Variants in GPC5 observed in about 807,000 individuals in gnomAD.
GPC5 encodes glypican 5.
Under a neutral mutation model 53.9 loss-of-function variants are expected in GPC5, and 47 were observed. The observed-to-expected ratio is 0.87, with a 90% CI of 0.69 to 1.11. The LOEUF (loss-of-function observed/expected upper bound fraction) is 1.11. Among genes scored for constraint, GPC5 ranks in the 50% most tolerant of loss-of-function variants. GPC5 has a pLI of 0.00. For synonymous variants in GPC5, 286 were observed against 263.3 expected, an observed-to-expected ratio of 1.09 and a Z score of -0.84; for missense variants, 748 against 713.1, an observed-to-expected ratio of 1.05 and a Z score of -0.56.
intron 7 of GPC5, among the ~76,000 whole-genome samples, chr13:92,217,911 C>CTTT (rs61595116): frequency 0.013 from 1,119 of 85,188 alleles, 82 homozygotes; most frequent in African/African-American, 0.052. Context: ...ATTATTTCTA[C>CTTT]TTTTTTTTTT....
At chr13:92,343,153 G>T (rs1268197725) in intron 7 of GPC5, among the ~76,000 whole-genome samples, 2 of 152,094 alleles carry the variant, frequency 1.3e-5, no homozygotes, top group Admixed American at 1.3e-4. Flanking sequence ...GATAGGTCTG[G>T]TAGTGTCCTC....
At chr13:91,520,734 G>A (rs909250396) in intron 2 of GPC5, among the ~76,000 whole-genome samples, 7 of 150,926 alleles carry the variant, frequency 4.6e-5, no homozygotes, top group African/African-American at 1.7e-4. Flanking sequence ...GTGTGTGTGT[G>A]TATATATATA....
chr13:92,370,251 G>A (rs536348179), intron 7 of GPC5, among the ~76,000 whole-genome samples: 3 of 152,276 alleles, frequency 2.0e-5, no homozygotes, highest in African/African-American at 7.2e-5. Flanking sequence ...TTGGTTCTTA[G>A]GTGCATGAGT....
At chr13:92,102,744 T>C (rs1038239527) in intron 6 of GPC5, among the ~76,000 whole-genome samples, 9 of 152,188 alleles carry the variant, frequency 5.9e-5, no homozygotes, top group African/African-American at 1.9e-4. Context: ...ATGTAGATGT[T>C]AGTGTAGGGT....
intron 2 of GPC5, among the ~76,000 whole-genome samples, chr13:91,617,449 C>G (rs927698396): frequency 6.6e-6 from 1 of 151,974 alleles, no homozygotes; most frequent in Non-Finnish European, 1.5e-5. Flanking sequence ...GGTTAAGCAA[C>G]GGAAGGACAT....
At chr13:92,460,445 CA>C (rs1162370920) in intron 7 of GPC5, among the ~76,000 whole-genome samples, 1 of 151,762 alleles carries the variant, frequency 6.6e-6, no homozygotes, top group Non-Finnish European at 1.5e-5. Context: ...TTTCTTTCTG[CA>C]AGGAAAAGTT....
At position 92,533,510 on chromosome 13, in the gene GPC5, A is replaced by C. The variant is rs151005380; in HGVS notation, c.1562-332772A>C. 8.7e-4 allele frequency among the ~76,000 whole-genome samples: 132 copies of C among 152,308 alleles called. 1 individual carries two copies. Among genetic ancestry groups the C allele is most frequent in the African/African-American group, 3.0e-3 (124 of 41,580 alleles). ...AACATATTATGCTGAAACCCGTATA[A>C]TATAGCTTTGGATATTAAATATAAG... On this transcript the variant is annotated intron_variant, in intron 7 of 7. Transcript: ENST00000377067.
chr13:91,779,819 C>A (rs1186293983), intron 5 of GPC5, among the ~76,000 whole-genome samples: 1 of 152,208 alleles, frequency 6.6e-6, no homozygotes, highest in East Asian at 1.9e-4. Context: ...ACTCTGTCAT[C>A]TCCTATGATA....
intron 7 of GPC5, among the ~76,000 whole-genome samples, chr13:92,777,703 C>A (rs958508534): frequency 1.3e-5 from 2 of 152,230 alleles, no homozygotes; most frequent in African/African-American, 4.8e-5. Flanking sequence ...AATGTCCCAT[C>A]CCTTTTCTAT....
At chr13:92,361,067 G>A (rs993077182) in intron 7 of GPC5, among the ~76,000 whole-genome samples, 8 of 151,712 alleles carry the variant, frequency 5.3e-5, no homozygotes, top group African/African-American at 1.9e-4. Context: ...GTAGCAGATG[G>A]CTGCCATATG....
intron 7 of GPC5, among the ~76,000 whole-genome samples, chr13:92,185,095 CT>C (rs2139040511): frequency 6.6e-6 from 1 of 152,244 alleles, no homozygotes; most frequent in South Asian, 2.1e-4. Flanking sequence ...GTTAGATGCA[CT>C]GAGTCCCATT....
chr13:92,083,888 A>G (rs889746110), intron 6 of GPC5, among the ~76,000 whole-genome samples: 4 of 152,198 alleles, frequency 2.6e-5, no homozygotes, highest in Non-Finnish European at 5.9e-5. Context: ...ACCATCAATG[A>G]TAGACTGGAT....
At chr13:92,521,823 C>T (rs990985172) in intron 7 of GPC5, among the ~76,000 whole-genome samples, 4 of 152,154 alleles carry the variant, frequency 2.6e-5, no homozygotes, top group Admixed American at 2.6e-4. Flanking sequence ...AAGAAACTAC[C>T]ATCAGAGTGA....
intron 7 of GPC5, among the ~76,000 whole-genome samples, chr13:92,199,573 G>A (rs1040368518): frequency 3.9e-5 from 6 of 152,116 alleles, no homozygotes; most frequent in Non-Finnish European, 7.4e-5. Flanking sequence ...CTTTCAATTA[G>A]ACTGTAATTA....
intron 7 of GPC5, among the ~76,000 whole-genome samples, chr13:92,443,170 G>T (rs1490690462): frequency 6.6e-6 from 1 of 152,102 alleles, no homozygotes; most frequent in Non-Finnish European, 1.5e-5. Context: ...AAGAGAGAGG[G>T]GAGGAAGTCC....
chr13:92,624,797 C>G (rs1662424271), intron 7 of GPC5, among the ~76,000 whole-genome samples: 1 of 152,190 alleles, frequency 6.6e-6, no homozygotes, highest in South Asian at 2.1e-4. Flanking sequence ...CTCTAAGGCT[C>G]TAAGCCAACT....
At chr13:92,353,545 T>A (rs982410997) in intron 7 of GPC5, among the ~76,000 whole-genome samples, 1 of 152,148 alleles carries the variant, frequency 6.6e-6, no homozygotes, top group African/African-American at 2.4e-5. Context: ...AGAGGTAAGA[T>A]TGAAAGGAAG....
intron 7 of GPC5, among the ~76,000 whole-genome samples, chr13:92,741,938 T>A (rs1889108988): frequency 6.6e-6 from 1 of 150,934 alleles, no homozygotes; most frequent in Non-Finnish European, 1.5e-5. Flanking sequence ...GGCTGCATAG[T>A]ATTCCATGGT....
Position 91,663,449 on chromosome 13 carries a change from G to C in GPC5, c.326-29738G>C, listed in dbSNP as rs148761598. Among the ~76,000 whole-genome samples the C allele has an allele frequency of 2.3e-3, 344 of 151,974 alleles. 2 individuals carry two copies. Among genetic ancestry groups the C allele is most frequent in the South Asian group, 3.7e-3 (18 of 4,808 alleles). On this transcript the variant is annotated intron_variant, in intron 2 of 7. Transcript: ENST00000377067. ...CTTTTTTCCCCCTGAATTTGAAACTGATTTTGTTTCTTTGCTTTTCTTTTT... is the reference window on the plus strand; with the variant it reads ...CTTTTTTCCCCCTGAATTTGAAACTCATTTTGTTTCTTTGCTTTTCTTTTT...
Sources: gnomAD v4.1 joint callset for allele counts (sites outside exome capture counted in the v4.1 genomes callset) on GRCh38, gnomAD v4.1.1 for gene constraint, MANE v1.5 for transcripts, NCBI Gene and HGNC (gene_info 2026-07-23, HGNC 2026-07-21) for gene names.